The following PCDHGA8 variants were observed in gnomAD, a reference collection of about 807,000 sequenced individuals.
PCDHGA8 encodes protocadherin gamma-A8.
PCDHGA8 carries 45 observed loss-of-function variants against 59.2 expected under a neutral mutation model. The ratio of observed to expected loss-of-function variants is 0.76; its 90% CI spans 0.60 to 0.98. The LOEUF (loss-of-function observed/expected upper bound fraction) is 0.98, where lower values mean the gene tolerates loss of function less well. Ranked by LOEUF, PCDHGA8 falls within the 50% of genes least tolerant of loss-of-function variation. PCDHGA8 has a pLI of 0.00. For synonymous variants in PCDHGA8, 531 were observed against 519.0 expected (o/e 1.02, Z -0.32); for missense variants, 1,257 against 1,196.2 (o/e 1.05, Z -0.75).
intron 1 of PCDHGA8, chr5:141,441,502 T>G (rs2098250414): frequency 5.8e-6 from 1 of 173,754 alleles, no homozygotes; most frequent in African/African-American, 2.4e-5. Context: ...CTACCAGGCC[T>G]CCTACGTCGT....
Position 141,511,381 on chromosome 5 carries a change from G to C in PCDHGA8, c.*208G>C. 8.5e-7 allele frequency: 1 copy of C among 1,170,380 alleles called. No individual in the cohort carries two copies. Among genetic ancestry groups the C allele is most frequent in the Non-Finnish European group, 1.2e-6 (1 of 854,768 alleles). 72.5% of individuals were successfully genotyped at this position (1,170,380 alleles called of 1,614,324 possible). On this transcript the variant is annotated 3_prime_UTR_variant, in exon 4 of 4. Coordinates refer to ENST00000398604, the MANE Select transcript of PCDHGA8 (RefSeq NM_032088.2). The stretch of plus-strand genomic sequence containing the variant: ...GGGTTGAATATGCAAAAGCAGTTCC[G>C]CTGGGAACCCCCATCCAATCAACTG...
chr5:141,484,121 C>A (rs1451102473), intron 1 of PCDHGA8, among the ~76,000 whole-genome samples: 1 of 152,152 alleles, frequency 6.6e-6, no homozygotes, highest in African/African-American at 2.4e-5. Context: ...TCAAGAATAC[C>A]TTGGTGTCAG....
At chr5:141,408,608 A>C in intron 1 of PCDHGA8, 1 of 1,614,072 alleles carries the variant, frequency 6.2e-7, no homozygotes, top group South Asian at 1.1e-5. Context: ...ATTTGATAAA[A>C]AGGAAATACA....
At chr5:141,481,913 C>CAAAAA (rs34114744) in intron 1 of PCDHGA8, among the ~76,000 whole-genome samples, 2 of 90,852 alleles carry the variant, frequency 2.2e-5, no homozygotes, top group Non-Finnish European at 4.4e-5. Flanking sequence ...AACTCCATCT[C>CAAAAA]AAAAAAAAAA....
At chr5:141,420,748 C>G (rs2096523185) in intron 1 of PCDHGA8, among the ~76,000 whole-genome samples, 1 of 152,214 alleles carries the variant, frequency 6.6e-6, no homozygotes, top group Non-Finnish European at 1.5e-5. Context: ...TTGGAACCAA[C>G]TACAACCTAC....
intron 1 of PCDHGA8, chr5:141,478,068 A>G (rs560968418): frequency 3.7e-6 from 6 of 1,614,134 alleles, no homozygotes; most frequent in East Asian, 4.5e-5. Flanking sequence ...ATCAAAGACA[A>G]TGGGGAGCCT....
Position 141,477,202 on chromosome 5 carries a change from C to G in PCDHGA8, c.2425-17605C>G. 1 of 1,614,182 alleles carries G rather than the reference C, an allele frequency of 6.2e-7. No homozygotes were observed. The highest frequency in any genetic ancestry group is 1.1e-5 in the South Asian group (1 of 91,074). On this transcript the variant is annotated intron_variant, in intron 1 of 3. Transcript: ENST00000398604. This position sits in a 1 kb window ranked among gnomAD's most constrained non-coding sequence, Gnocchi z 4.9. ...TCACCTCCGTGTACAGCCCAGTACC[C>G]GAGGATGCCCCTCTGGGGACTGTCA...
chr5:141,439,673 C>G (rs1468476569), intron 1 of PCDHGA8, among the ~76,000 whole-genome samples: 1 of 152,174 alleles, frequency 6.6e-6, no homozygotes, highest in Non-Finnish European at 1.5e-5. Flanking sequence ...AATGCAAATC[C>G]AAGAGCAGAC....
intron 1 of PCDHGA8, chr5:141,421,898 A>T: frequency 6.2e-7 from 1 of 1,613,736 alleles, no homozygotes; most frequent in Non-Finnish European, 8.5e-7. Flanking sequence ...CCCATCCGAA[A>T]GGGCGCAGTT....
At chr5:141,407,124 T>C (rs1409043654) in intron 1 of PCDHGA8, among the ~76,000 whole-genome samples, 1 of 152,242 alleles carries the variant, frequency 6.6e-6, no homozygotes, top group Non-Finnish European at 1.5e-5. Flanking sequence ...TTTCAGTTGC[T>C]TTATTTTTAA....
At chr5:141,427,276 T>G (rs1281222927) in intron 1 of PCDHGA8, 1 of 456,754 alleles carries the variant, frequency 2.2e-6, no homozygotes, top group Non-Finnish European at 4.4e-6. Context: ...GAATGTAAAA[T>G]TATACTAGAA....
At chr5:141,506,898 T>C (rs2099857040) in intron 3 of PCDHGA8, among the ~76,000 whole-genome samples, 1 of 152,260 alleles carries the variant, frequency 6.6e-6, no homozygotes, top group East Asian at 1.9e-4. Context: ...AGAAGCACTG[T>C]CATCACACCT....
rs2154594676 is a variant in PCDHGA8, at chr5:141,511,333, G to A, written c.*160G>A. 6.9e-7 allele frequency: 1 copy of A among 1,441,948 alleles called. No homozygotes were observed. Among genetic ancestry groups the A allele is most frequent in the Non-Finnish European group, 9.2e-7 (1 of 1,085,894 alleles). The allele number at this position is 1,441,948 out of a possible 1,614,324, so 89.3% of individuals were successfully genotyped here. On this transcript the variant is annotated 3_prime_UTR_variant, in exon 4 of 4. Transcript: ENST00000398604. Reference sequence around the variant, plus strand: ...GGAAACAGAAACAAGTGCCCAGTCAGCACCTACCCCTTCCCCCCCAGGGGG... The same window carrying A: ...GGAAACAGAAACAAGTGCCCAGTCAACACCTACCCCTTCCCCCCCAGGGGG...
intron 1 of PCDHGA8, among the ~76,000 whole-genome samples, chr5:141,435,710 C>T (rs1033703743): frequency 1.3e-5 from 2 of 152,148 alleles, no homozygotes; most frequent in Admixed American, 6.5e-5. Flanking sequence ...TGGTTACAGA[C>T]ACTGAATGCT....
chr5:141,499,836 A>G (rs2099794751), intron 2 of PCDHGA8, among the ~76,000 whole-genome samples: 1 of 151,894 alleles, frequency 6.6e-6, no homozygotes, highest in African/African-American at 2.4e-5. Flanking sequence ...ACAGGTGTGC[A>G]CCACCACACA....
intron 1 of PCDHGA8, chr5:141,419,815 A>T: frequency 6.2e-7 from 1 of 1,613,988 alleles, no homozygotes. Context: ...GAGGACAGCC[A>T]CCCCTTTCAG....
At chr5:141,454,409 T>G (rs1221091875) in intron 1 of PCDHGA8, among the ~76,000 whole-genome samples, 1 of 152,162 alleles carries the variant, frequency 6.6e-6, no homozygotes, top group Non-Finnish European at 1.5e-5. Flanking sequence ...TTATTCCTTT[T>G]TATTTATTTA....
At position 141,403,421 on chromosome 5, in the gene PCDHGA8, G is replaced by A. The variant is rs773369451; in HGVS notation, c.2424+8184G>A. ...TGGAGCACGTTATCCACTTCCAGAA[G>A]CTATTGATCCGGATGTTGGCGTGAA... On this transcript the variant is annotated intron_variant, in intron 1 of 3. Coordinates refer to ENST00000398604, the MANE Select transcript of PCDHGA8 (RefSeq NM_032088.2). 11 of 1,614,038 alleles carry A rather than the reference G, an allele frequency of 6.8e-6. No individual in the cohort carries two copies. In the East Asian group the frequency reaches 2.5e-4, roughly 36 times the overall value.
At position 141,476,980 on chromosome 5, in the gene PCDHGA8, C is replaced by T; in HGVS notation, c.2425-17827C>T. 6.2e-7 allele frequency: 1 copy of T among 1,614,232 alleles called. No individual in the cohort carries two copies. Among genetic ancestry groups the T allele is most frequent in the Non-Finnish European group, 8.5e-7 (1 of 1,180,044 alleles). On this transcript the variant is annotated intron_variant, in intron 1 of 3. Coordinates refer to ENST00000398604, the MANE Select transcript of PCDHGA8 (RefSeq NM_032088.2). This position sits in a 1 kb window ranked among gnomAD's most constrained non-coding sequence, Gnocchi z 7.6. Reference sequence around the variant, plus strand: ...TTTACTCCTTCGGCAGCCACAACCGCGCCGGCGTGCGGCAACTATTCGCCT... The same window carrying T: ...TTTACTCCTTCGGCAGCCACAACCGTGCCGGCGTGCGGCAACTATTCGCCT...
Sources: allele counts gnomAD v4.1 joint callset (sites outside exome capture counted in the v4.1 genomes callset), GRCh38; gene constraint gnomAD v4.1.1; non-coding constraint Gnocchi (gnomAD v3.1); transcripts MANE v1.5; gene names NCBI Gene and HGNC (gene_info 2026-07-23, HGNC 2026-07-21).